LDLRAD3: variants seen among roughly 807,000 people sequenced by gnomAD.
LDLRAD3 encodes low density lipoprotein receptor class A domain containing 3.
Under a neutral mutation model 29.4 loss-of-function variants are expected in LDLRAD3, and 20 were observed. The observed-to-expected ratio is 0.68, with a 90% CI of 0.48 to 0.99. The LOEUF (loss-of-function observed/expected upper bound fraction) is 0.99. Ranked by LOEUF, LDLRAD3 falls within the 50% of genes least tolerant of loss-of-function variation. LDLRAD3 has a pLI of 0.00. For missense variants in LDLRAD3, 420 were observed against 454.3 expected, an observed-to-expected ratio of 0.92 and a Z score of 0.69; for synonymous variants, 157 against 192.7, an observed-to-expected ratio of 0.81 and a Z score of 1.53.
At chr11:36,160,354 G>A (rs1483615286) in intron 4 of LDLRAD3, among the ~76,000 whole-genome samples, 1 of 152,206 alleles carries the variant, frequency 6.6e-6, no homozygotes, top group African/African-American at 2.4e-5. Flanking sequence ...CCCAGCCAGA[G>A]GAGATAAGGC....
intron 4 of LDLRAD3, among the ~76,000 whole-genome samples, chr11:36,219,330 T>C (rs1249838779): frequency 6.6e-6 from 1 of 152,176 alleles, no homozygotes; most frequent in Non-Finnish European, 1.5e-5. Context: ...TGAACATGGA[T>C]TTTTATAATC....
intron 1 of LDLRAD3, among the ~76,000 whole-genome samples, chr11:35,954,999 C>A (rs1437740161): frequency 6.6e-6 from 1 of 152,216 alleles, no homozygotes; most frequent in East Asian, 1.9e-4. Flanking sequence ...CTGGCTTACA[C>A]CTTGGGAGGC....
In LDLRAD3 at chr11:36,081,742, G is replaced by C. The variant is rs753187967; in HGVS notation, c.283G>C (p.Glu95Gln). The part of the protein sequence containing the change: ...IIGRFRCNGF[E>Q]DCPDGSDEEN... ...TGGTCGCTTCCGGTGCAATGGGTTT[G>C]AGGACTGTCCCGATGGCAGCGATGA... Residue 95 changes from glutamate to glutamine, a missense_variant, in exon 3 of 6, where the codon GAG becomes CAG. Physicochemically the swap from Glu to Gln is conservative, Grantham distance 29 (BLOSUM62 2). Coordinates refer to ENST00000315571, the MANE Select transcript of LDLRAD3 (RefSeq NM_174902.4). The C allele has an allele frequency of 7.4e-6, 12 of 1,614,144 alleles. No homozygotes were observed. The highest frequency in any genetic ancestry group is 2.2e-5 in the East Asian group (1 of 44,900).
At chr11:35,967,527 T>G (rs1851357265) in intron 1 of LDLRAD3, 1 of 367,868 alleles carries the variant, frequency 2.7e-6, no homozygotes, top group Admixed American at 3.8e-5. Flanking sequence ...CTATCTGCTT[T>G]TTCCACTTTG....
At chr11:36,035,621 T>C (rs1852293724) in intron 1 of LDLRAD3, among the ~76,000 whole-genome samples, 1 of 151,980 alleles carries the variant, frequency 6.6e-6, no homozygotes, top group Non-Finnish European at 1.5e-5. Flanking sequence ...TTTCCTAGAG[T>C]GAAATGATCT....
chr11:35,991,287 A>G (rs1278121972), intron 1 of LDLRAD3, among the ~76,000 whole-genome samples: 1 of 152,236 alleles, frequency 6.6e-6, no homozygotes, highest in African/African-American at 2.4e-5. Flanking sequence ...AATGCAAACT[A>G]GAAACTGCAC....
intron 3 of LDLRAD3, among the ~76,000 whole-genome samples, chr11:36,090,677 A>G (rs1853267179): frequency 6.6e-6 from 1 of 152,134 alleles, no homozygotes. Context: ...GAAAATTAAA[A>G]TCCTCGAGTC....
intron 1 of LDLRAD3, among the ~76,000 whole-genome samples, chr11:35,961,959 A>G (rs1390299471): frequency 6.6e-6 from 1 of 152,130 alleles, no homozygotes; most frequent in South Asian, 2.1e-4. Context: ...GCCAGGGATG[A>G]CTGTGATCCT....
At chr11:36,074,298 C>T (rs1344814644) in intron 2 of LDLRAD3, among the ~76,000 whole-genome samples, 1 of 152,088 alleles carries the variant, frequency 6.6e-6, no homozygotes, top group Non-Finnish European at 1.5e-5. Flanking sequence ...AGTGATGTGT[C>T]CTGTGAAGGG....
chr11:36,021,339 G>A (rs1192437922), intron 1 of LDLRAD3, among the ~76,000 whole-genome samples: 3 of 152,182 alleles, frequency 2.0e-5, no homozygotes, highest in African/African-American at 4.8e-5. Flanking sequence ...TTAAAGGAGG[G>A]AAAGGAGCTT....
chr11:35,978,678 C>T (rs968535272), intron 1 of LDLRAD3, among the ~76,000 whole-genome samples: 2 of 152,174 alleles, frequency 1.3e-5, no homozygotes, highest in African/African-American at 4.8e-5. Flanking sequence ...TTACCTAGAG[C>T]AGATTATTGA....
chr11:36,102,001 G>A (rs768957420), intron 4 of LDLRAD3: 1 of 204,722 alleles, frequency 4.9e-6, no homozygotes, highest in Non-Finnish European at 1.0e-5. Flanking sequence ...CCATTCTCCT[G>A]CCTCAGCCTC....
chr11:36,226,937 T>C, intron 4 of LDLRAD3, 148 bp from the exon 5 acceptor site: 1 of 626,922 alleles, frequency 1.6e-6, no homozygotes, highest in South Asian at 2.2e-5. Flanking sequence ...CATCGGTTGG[T>C]GGACATTTGG....
chr11:36,200,720 C>G (rs1381772468), intron 4 of LDLRAD3, among the ~76,000 whole-genome samples: 1 of 152,204 alleles, frequency 6.6e-6, no homozygotes, highest in African/African-American at 2.4e-5. Flanking sequence ...CTGAACTTGC[C>G]TTTCCTTCTC....
chr11:36,107,257 A>G (rs1244049311), intron 4 of LDLRAD3, among the ~76,000 whole-genome samples: 9 of 151,304 alleles, frequency 5.9e-5, no homozygotes, highest in Non-Finnish European at 1.2e-4. Context: ...CTGGAGTGCA[A>G]TGGCGCGATC....
At chr11:36,018,537 T>A (rs1048290368) in intron 1 of LDLRAD3, among the ~76,000 whole-genome samples, 2 of 151,644 alleles carry the variant, frequency 1.3e-5, no homozygotes, top group Non-Finnish European at 2.9e-5. Flanking sequence ...TTACAAGTGA[T>A]GCTATAAATA....
rs1242181307 is a variant in LDLRAD3 at position 36,213,196 on chromosome 11, A to T, written c.455-13889A>T. Reference sequence around the variant, plus strand: ...GCTCTCAATGGTCCTGGTTCCCAGCATCCTGGCAGATGGGTCTCCTCTCTC... The same window carrying T: ...GCTCTCAATGGTCCTGGTTCCCAGCTTCCTGGCAGATGGGTCTCCTCTCTC... On this transcript the variant is annotated intron_variant, in intron 4 of 5. Transcript: ENST00000315571. This position sits in a 1 kb window ranked among gnomAD's most constrained non-coding sequence, Gnocchi z 4.1. 1.3e-5 allele frequency among the ~76,000 whole-genome samples: 2 copies of T among 151,732 alleles called. No homozygotes were observed. The highest frequency in any genetic ancestry group is 2.9e-5 in the Non-Finnish European group (2 of 67,998).
chr11:36,097,955 G>A (rs192458923), intron 3 of LDLRAD3, among the ~76,000 whole-genome samples: 28 of 152,348 alleles, frequency 1.8e-4, no homozygotes, highest in African/African-American at 5.5e-4. Flanking sequence ...TGGTCTAAAA[G>A]TTAATGTTCC....
chr11:36,053,212 A>T (rs1012847649), intron 2 of LDLRAD3, among the ~76,000 whole-genome samples: 1 of 152,096 alleles, frequency 6.6e-6, no homozygotes, highest in Non-Finnish European at 1.5e-5. Context: ...GTTGATTCCT[A>T]CTGGACTTGC....
Sources: gnomAD v4.1 joint callset for allele counts (sites outside exome capture counted in the v4.1 genomes callset) on GRCh38, gnomAD v4.1.1 for gene constraint, Gnocchi (gnomAD v3.1) non-coding constraint, MANE v1.5 for transcripts, NCBI Gene and HGNC (gene_info 2026-07-23, HGNC 2026-07-21) for gene names.